Variants in DYSF observed in about 807,000 individuals in gnomAD.
DYSF encodes the protein dysferlin.
A neutral mutation model predicts 274.9 loss-of-function variants in DYSF; 212 were observed. The observed-to-expected ratio is 0.77, with a 90% CI of 0.69 to 0.86. The LOEUF (loss-of-function observed/expected upper bound fraction) is 0.86, where lower values mean the gene tolerates loss of function less well. Among genes scored for constraint, DYSF ranks in the 40% least tolerant of loss-of-function variants. The pLI, the probability that DYSF is intolerant of heterozygous loss-of-function variation, is 0.00. For missense variants in DYSF, 2,666 were observed against 2,783.2 expected (o/e 0.96, Z 0.95); for synonymous variants, 1,091 against 1,078.7 (o/e 1.01, Z -0.22).
At chr2:71,562,043 C>A in intron 23 of DYSF, 99 bp downstream of exon 23, 1 of 1,492,740 alleles carries the variant, frequency 6.7e-7, no homozygotes, top group Non-Finnish European at 9.1e-7. Context: ...ATTACCCACC[C>A]CGGTTCCATT....
At chr2:71,586,057 A>G (rs112129609) in intron 30 of DYSF, among the ~76,000 whole-genome samples, 2,396 of 152,014 alleles carry the variant, frequency 0.016, 62 homozygotes, top group African/African-American at 0.054. Flanking sequence ...TAGTGTCCTG[A>G]CTGCCAGAGA....
intron 38 of DYSF, among the ~76,000 whole-genome samples, chr2:71,612,184 A>G (rs2093778123): frequency 6.6e-6 from 1 of 152,230 alleles, no homozygotes; most frequent in African/African-American, 2.4e-5. Context: ...CTCTTGGCCG[A>G]GCCAAAGCCG....
intron 38 of DYSF, among the ~76,000 whole-genome samples, chr2:71,612,320 A>G (rs983199590): frequency 2.0e-5 from 3 of 152,116 alleles, no homozygotes; most frequent in Non-Finnish European, 2.9e-5. Flanking sequence ...GTCTGTAAGA[A>G]ATGTTGAGTC....
intron 53 of DYSF, among the ~76,000 whole-genome samples, chr2:71,680,615 T>C (rs1174712607): frequency 6.6e-6 from 1 of 152,234 alleles, no homozygotes. Context: ...TCCCATACAA[T>C]GTTTGGCAGT....
chr2:71,547,237 G>A (rs1305882729), intron 17 of DYSF, among the ~76,000 whole-genome samples: 2 of 152,198 alleles, frequency 1.3e-5, no homozygotes, highest in South Asian at 2.1e-4. Flanking sequence ...ACTGCGATCC[G>A]CCCCCAAGTC....
Position 71,659,165 on chromosome 2 carries a change from G to A in DYSF, c.4911+132G>A, listed in dbSNP as rs975307135. ...GAAACAGACAAACACACAAAACTGA[G>A]AGGTGCCTGGATGGAGTTGTGTTAA... On this transcript the variant is annotated intron_variant, in intron 44 of 55. Coordinates refer to ENST00000410020, the MANE Select transcript of DYSF (RefSeq NM_001130987.2). The A allele has an allele frequency of 7.3e-5, 92 of 1,258,024 alleles. 1 individual carries two copies. Among genetic ancestry groups the A allele is most frequent in the Middle Eastern group, 2.5e-4 (1 of 4,064 alleles). The allele number at this position is 1,258,024 out of a possible 1,614,324, so 77.9% of individuals were successfully genotyped here. A position where few individuals can be genotyped will look rare whatever the true frequency, so the allele number is the denominator to read the frequency against.
intron 54 of DYSF, among the ~76,000 whole-genome samples, chr2:71,681,777 G>C (rs1246102368): frequency 6.6e-6 from 1 of 152,198 alleles, no homozygotes; most frequent in Non-Finnish European, 1.5e-5. Flanking sequence ...GCTGGATCCC[G>C]CCCCACCAGC....
Position 71,555,972 on chromosome 2 carries a change from G to A in DYSF, c.2117G>A (p.Gly706Asp). 1 of 1,560,652 alleles carries A rather than the reference G, an allele frequency of 6.4e-7. No individual in the cohort carries two copies. The highest frequency in any genetic ancestry group is 8.7e-7 in the Non-Finnish European group (1 of 1,151,778). ...TGCCTGCCCATTCCACAGGAAGCTG[G>A]CCTGGAGCAGGTCCACCTGGCCCTG... Reference protein sequence around the residue: ...LLGIADRLEAGLEQVHLALKA... With the variant: ...LLGIADRLEADLEQVHLALKA... The change falls in exon 22 of 56, where the codon GGC becomes GAC. Residue 706 changes from glycine (G) to aspartate (D), a missense_variant. Physicochemically the swap from Gly to Asp is moderately conservative, Grantham distance 94. Coordinates refer to ENST00000410020, the MANE Select transcript of DYSF (RefSeq NM_001130987.2).
intron 24 of DYSF, among the ~76,000 whole-genome samples, chr2:71,566,973 C>G (rs1471922035): frequency 1.3e-5 from 2 of 152,172 alleles, no homozygotes; most frequent in South Asian, 4.1e-4. Context: ...CCTCAGCTGC[C>G]CTTTCATCTT....
At chr2:71,467,333 T>G (rs1454608646) in intron 1 of DYSF, among the ~76,000 whole-genome samples, 2 of 152,130 alleles carry the variant, frequency 1.3e-5, no homozygotes, top group African/African-American at 4.8e-5. Context: ...GAAAGTTGTG[T>G]CTTTTTTCAT....
At chr2:71,627,650 A>C (rs2094232016) in intron 41 of DYSF, among the ~76,000 whole-genome samples, 1 of 152,080 alleles carries the variant, frequency 6.6e-6, no homozygotes. Context: ...GTGGTTTATC[A>C]ATTTCTGAGC....
chr2:71,517,714 T>C (rs1409619541), intron 10 of DYSF, among the ~76,000 whole-genome samples: 1 of 152,026 alleles, frequency 6.6e-6, no homozygotes, highest in Non-Finnish European at 1.5e-5. Context: ...CCGTCTCCCT[T>C]GGTGTTTATA....
intron 42 of DYSF, among the ~76,000 whole-genome samples, chr2:71,655,037 G>A (rs2094741972): frequency 6.6e-6 from 1 of 152,172 alleles, no homozygotes; most frequent in Non-Finnish European, 1.5e-5. Context: ...GCTGCAGTGA[G>A]CCATGATTGC....
At chr2:71,563,225 A>G (rs1435099541) in intron 23 of DYSF, among the ~76,000 whole-genome samples, 1 of 152,318 alleles carries the variant, frequency 6.6e-6, no homozygotes, top group East Asian at 1.9e-4. Flanking sequence ...ATTGGCTCCT[A>G]AGCTCTCAAA....
chr2:71,530,591 C>G (rs1055777899), intron 14 of DYSF, among the ~76,000 whole-genome samples: 1 of 152,166 alleles, frequency 6.6e-6, no homozygotes, highest in Non-Finnish European at 1.5e-5. Flanking sequence ...CTGCGCCTCC[C>G]ATTTTTCCTC....
intron 42 of DYSF, 90 bp downstream of exon 42, chr2:71,644,153 T>C (rs1455273060): frequency 9.0e-7 from 1 of 1,113,496 alleles, no homozygotes; most frequent in African/African-American, 1.5e-5. Context: ...GCAGTAGATG[T>C]ATTTGCATTT....
At chr2:71,518,886 A>G (rs925172008) in intron 10 of DYSF, among the ~76,000 whole-genome samples, 1 of 151,722 alleles carries the variant, frequency 6.6e-6, no homozygotes, top group African/African-American at 2.4e-5. Context: ...TGAAGTCAGT[A>G]GTTCAAGACC....
chr2:71,637,380 G>T (rs2094421382), intron 41 of DYSF, among the ~76,000 whole-genome samples: 1 of 152,190 alleles, frequency 6.6e-6, no homozygotes, highest in African/African-American at 2.4e-5. Flanking sequence ...ACGTGGCATG[G>T]GTGCTGGTGG....
At chr2:71,621,953 C>G (rs1350567636) in intron 41 of DYSF, among the ~76,000 whole-genome samples, 1 of 152,134 alleles carries the variant, frequency 6.6e-6, no homozygotes, top group Non-Finnish European at 1.5e-5. Context: ...GCCACCACAC[C>G]CAGCCTATTC....
Sources: allele counts gnomAD v4.1 joint callset (sites outside exome capture counted in the v4.1 genomes callset), GRCh38; gene constraint gnomAD v4.1.1; transcripts MANE v1.5; gene names NCBI Gene and HGNC (gene_info 2026-07-23, HGNC 2026-07-21).